Variants in TWIST2 observed in about 807,000 individuals in gnomAD.
TWIST2 encodes twist family bHLH transcription factor 2, also known as twist-related protein 2.
TWIST2 carries 1 observed loss-of-function variant against 11.6 expected under a neutral mutation model. The observed-to-expected ratio is 0.09, with a 90% CI of 0.03 to 0.41. TWIST2 has a LOEUF of 0.41. Ranked by LOEUF, TWIST2 falls within the 10% of genes least tolerant of loss-of-function variation. The pLI is 0.98. For missense variants in TWIST2, 168 were observed against 226.4 expected (o/e 0.74, Z 1.66); for synonymous variants, 87 against 96.6 (o/e 0.90, Z 0.58).
intron 1 of TWIST2, among the ~76,000 whole-genome samples, chr2:238,899,039 G>C (rs961975567): frequency 3.3e-5 from 5 of 152,244 alleles, no homozygotes; most frequent in African/African-American, 1.2e-4. Flanking sequence ...GCTGCCCTCC[G>C]GCGTCTGACC....
Position 238,864,262 on chromosome 2 carries a change from C to T in TWIST2, c.*35+15529C>T, listed in dbSNP as rs985617029. Among the ~76,000 whole-genome samples, 1 of 152,154 alleles carries T rather than the reference C, an allele frequency of 6.6e-6. No homozygotes were observed. The highest frequency in any genetic ancestry group is 1.5e-5 in the Non-Finnish European group (1 of 68,018). ...TTCTCCACATTACACCCCAAGCACG[C>T]GACTGTGAGCGGCGATCGGGGCCTG... On this transcript the variant is annotated intron_variant, in intron 1 of 1. Coordinates refer to ENST00000612363, the MANE Select transcript of TWIST2 (RefSeq NM_001271893.4). The surrounding 1 kb of genome is among the most constrained non-coding windows in gnomAD (Gnocchi z 4.7).
At chr2:238,849,986 T>A (rs967011308) in intron 1 of TWIST2, among the ~76,000 whole-genome samples, 6 of 152,220 alleles carry the variant, frequency 3.9e-5, no homozygotes, top group Admixed American at 2.6e-4. Flanking sequence ...TTTAGATTAA[T>A]CAAGAGCACC....
chr2:238,880,578 A>G (rs1223933252), intron 1 of TWIST2, among the ~76,000 whole-genome samples: 2 of 87,716 alleles, frequency 2.3e-5, no homozygotes, highest in Non-Finnish European at 2.2e-5. Flanking sequence ...TACTGTTAGT[A>G]TTAGTATTAG....
intron 1 of TWIST2, among the ~76,000 whole-genome samples, chr2:238,892,715 A>G (rs1222747681): frequency 3.9e-5 from 6 of 152,100 alleles, no homozygotes; most frequent in Admixed American, 6.5e-5. Context: ...TCCTGAAATC[A>G]GGGAATCTGC....
In TWIST2 at chr2:238,864,651, T is replaced by A. The variant is rs1692500042; in HGVS notation, c.*35+15918T>A. 6.6e-6 allele frequency among the ~76,000 whole-genome samples: 1 copy of A among 151,858 alleles called. No individual in the cohort carries two copies. Among genetic ancestry groups the A allele is most frequent in the Admixed American group, 6.6e-5 (1 of 15,264 alleles). ...GCCCAGAGGCTGGTACCCTCCGAGGTGCGGGAGAAGAGGAGGTGGGAGGGT... is the reference window on the plus strand; with the variant it reads ...GCCCAGAGGCTGGTACCCTCCGAGGAGCGGGAGAAGAGGAGGTGGGAGGGT... On this transcript the variant is annotated intron_variant, in intron 1 of 1. Coordinates refer to ENST00000612363, the MANE Select transcript of TWIST2 (RefSeq NM_001271893.4). The surrounding 1 kb of genome is among the most constrained non-coding windows in gnomAD (Gnocchi z 4.7).
rs184739987 is a variant in TWIST2 at position 238,866,338 on chromosome 2, A to G, written c.*35+17605A>G. On this transcript the variant is annotated intron_variant, in intron 1 of 1. Transcript: ENST00000612363. This position sits in a 1 kb window ranked among gnomAD's most constrained non-coding sequence, Gnocchi z 4.9. ...CAGTAAGAACAGGGGTGAGGAGATGAGCAAACCCACATGCTTGTTCTTAAA... is the reference window on the plus strand; with the variant it reads ...CAGTAAGAACAGGGGTGAGGAGATGGGCAAACCCACATGCTTGTTCTTAAA... Among the ~76,000 whole-genome samples, 4 of 152,292 alleles carry G rather than the reference A, an allele frequency of 2.6e-5. No individual in the cohort carries two copies. Among genetic ancestry groups the G allele is most frequent in the African/African-American group, 7.2e-5 (3 of 41,560 alleles).
In TWIST2 at chr2:238,848,705, G is replaced by A. The variant is rs779250622; in HGVS notation, c.*7G>A. 64 of 1,503,210 alleles carry A rather than the reference G, an allele frequency of 4.3e-5. No homozygotes were observed. The East Asian group carries it at 1.0e-3, about 24-fold the overall frequency. 93.1% of individuals were successfully genotyped at this position (1,503,210 alleles called of 1,614,324 possible). ...CATGTCCGCCTCCCACTAGCGCCGC[G>A]CCACCCACCTCCGGACCGGCGCGCC... On this transcript the variant is annotated 3_prime_UTR_variant, in exon 1 of 2. Coordinates refer to ENST00000612363, the MANE Select transcript of TWIST2 (RefSeq NM_001271893.4).
At chr2:238,877,099 A>G (rs1321913029) in intron 1 of TWIST2, among the ~76,000 whole-genome samples, 2 of 152,150 alleles carry the variant, frequency 1.3e-5, no homozygotes, top group East Asian at 3.8e-4. Flanking sequence ...CAGGAGGCTG[A>G]CGCAGGAGAA....
In TWIST2 at chr2:238,870,134, A is replaced by C. The variant is rs868456224; in HGVS notation, c.*35+21401A>C. On this transcript the variant is annotated intron_variant, in intron 1 of 1. Coordinates refer to ENST00000612363, the MANE Select transcript of TWIST2 (RefSeq NM_001271893.4). ...CACACCATACACCCCCCACACACAC[A>C]CCACACCCCATACACACCACACCCC... 2.9e-3 allele frequency among the ~76,000 whole-genome samples: 183 copies of C among 63,166 alleles called. 4 individuals carry two copies. The highest frequency in any genetic ancestry group is 0.011 in the African/African-American group (145 of 13,052). The allele number at this position is 63,166 out of a possible 152,430, so 41.4% of individuals were successfully genotyped here.
chr2:238,887,385 C>T (rs376087698), intron 1 of TWIST2: 203 of 152,330 alleles, frequency 1.3e-3, no homozygotes, highest in African/African-American at 4.7e-3. Flanking sequence ...TACACTCTTC[C>T]GGCCAGATTC....
chr2:238,852,389 A>G (rs1312698788), intron 1 of TWIST2, among the ~76,000 whole-genome samples: 2 of 152,198 alleles, frequency 1.3e-5, no homozygotes, highest in African/African-American at 4.8e-5. Flanking sequence ...GGGAAAGGAT[A>G]AATGTGCTGC....
chr2:238,857,519 T>C (rs1438126181), intron 1 of TWIST2, among the ~76,000 whole-genome samples: 2 of 152,246 alleles, frequency 1.3e-5, no homozygotes, highest in East Asian at 2.0e-4. Flanking sequence ...GCCAGGCCAC[T>C]GCTGCGGTTT....
intron 1 of TWIST2, among the ~76,000 whole-genome samples, chr2:238,894,309 G>T (rs1034947585): frequency 2.0e-5 from 3 of 152,080 alleles, no homozygotes; most frequent in Non-Finnish European, 4.4e-5. Context: ...TGTTGCCCCC[G>T]AGATGACTCC....
intron 1 of TWIST2, among the ~76,000 whole-genome samples, chr2:238,892,236 C>T (rs1001891920): frequency 6.6e-5 from 10 of 152,174 alleles, no homozygotes; most frequent in African/African-American, 2.2e-4. Flanking sequence ...CCTGAGAGCC[C>T]GCAAGCCTCA....
chr2:238,892,181 C>T (rs1693146845), intron 1 of TWIST2, among the ~76,000 whole-genome samples: 1 of 100,432 alleles, frequency 1.0e-5, no homozygotes, highest in South Asian at 3.4e-4. Context: ...CCCCAGGACT[C>T]AGCGGGTGAG....
chr2:238,906,148 G>T (rs1693351256), intron 1 of TWIST2, among the ~76,000 whole-genome samples: 1 of 152,122 alleles, frequency 6.6e-6, no homozygotes, highest in African/African-American at 2.4e-5. Flanking sequence ...GGTTGGGAGA[G>T]GGCTGGGGGT....
chr2:238,852,093 G>C (rs1181163563), intron 1 of TWIST2, among the ~76,000 whole-genome samples: 1 of 152,012 alleles, frequency 6.6e-6, no homozygotes, highest in Non-Finnish European at 1.5e-5. Flanking sequence ...GTTCTGGGTA[G>C]ACGGCACAGA....
rs1232824599 is a variant in TWIST2 at position 238,877,550 on chromosome 2, A to G, written c.*35+28817A>G. Among the ~76,000 whole-genome samples, 3 of 151,062 alleles carry G rather than the reference A, an allele frequency of 2.0e-5. No homozygotes were observed. The South Asian group carries it at 6.4e-4, about 32-fold the overall frequency. On this transcript the variant is annotated intron_variant, in intron 1 of 1. Coordinates refer to ENST00000612363, the MANE Select transcript of TWIST2 (RefSeq NM_001271893.4). ...CACCAGCAATAAGCAATTCAATCAC[A>G]TAATGAAACAAAAAGATGTCATTCA...
chr2:238,854,056 G>A (rs1169456018), intron 1 of TWIST2, among the ~76,000 whole-genome samples: 2 of 152,290 alleles, frequency 1.3e-5, no homozygotes, highest in South Asian at 2.1e-4. Flanking sequence ...AAGCCTCATG[G>A]AGAACTATAG....
Sources: allele counts gnomAD v4.1 joint callset (sites outside exome capture counted in the v4.1 genomes callset), GRCh38; gene constraint gnomAD v4.1.1; non-coding constraint Gnocchi (gnomAD v3.1); transcripts MANE v1.5; gene names NCBI Gene and HGNC (gene_info 2026-07-23, HGNC 2026-07-21).